PTPRN2: variants seen among roughly 807,000 people sequenced by gnomAD.
PTPRN2 encodes the protein protein tyrosine phosphatase receptor type N2.
A neutral mutation model predicts 118.8 loss-of-function variants in PTPRN2; 74 were observed. That is an observed-to-expected ratio of 0.62 (90% CI 0.52 to 0.76). The LOEUF is 0.76. Ranked by LOEUF, PTPRN2 falls within the 30% of genes least tolerant of loss-of-function variation. The pLI is 0.00. For missense variants in PTPRN2, 1,481 were observed against 1,394.4 expected, an observed-to-expected ratio of 1.06 and a Z score of -0.99; for synonymous variants, 641 against 608.0, an observed-to-expected ratio of 1.05 and a Z score of -0.80.
At chr7:157,594,176 C>G (rs1004008363) in intron 17 of PTPRN2, among the ~76,000 whole-genome samples, 2 of 152,228 alleles carry the variant, frequency 1.3e-5, no homozygotes, top group African/African-American at 4.8e-5. Context: ...TCTGGAAAGC[C>G]CTGCAGAGAC....
intron 21 of PTPRN2, among the ~76,000 whole-genome samples, chr7:157,556,455 ACACT>A (rs1195992242): frequency 6.7e-6 from 1 of 148,232 alleles, no homozygotes; most frequent in Non-Finnish European, 1.5e-5. Context: ...ACATCACACA[ACACT>A]CACACCCACA....
intron 11 of PTPRN2, among the ~76,000 whole-genome samples, chr7:158,045,501 A>G (rs1316691366): frequency 6.6e-6 from 1 of 152,190 alleles, no homozygotes; most frequent in African/African-American, 2.4e-5. Context: ...AACAGGAAGG[A>G]GAGGAAAGAA....
chr7:158,379,785 C>T (rs1336688669), intron 2 of PTPRN2, among the ~76,000 whole-genome samples: 1 of 152,130 alleles, frequency 6.6e-6, no homozygotes, highest in Non-Finnish European at 1.5e-5. Context: ...TTTCATGCTG[C>T]TAATAAAGAC....
chr7:158,265,411 C>A (rs1425185088), intron 3 of PTPRN2, among the ~76,000 whole-genome samples: 1 of 146,492 alleles, frequency 6.8e-6, no homozygotes, highest in Non-Finnish European at 1.5e-5. Flanking sequence ...CGGGCACACA[C>A]CTGTGGGCAC....
At chr7:158,493,419 AC>A (rs1450510410) in intron 1 of PTPRN2, among the ~76,000 whole-genome samples, 2 of 6,456 alleles carry the variant, frequency 3.1e-4, no homozygotes, top group African/African-American at 1.4e-3. Flanking sequence ...AGACACGTAC[AC>A]GTATGCACAC....
At position 157,780,818 on chromosome 7, in the gene PTPRN2, G is replaced by A. The variant is rs568662199; in HGVS notation, c.1789-97881C>T. ...CAAACTCGCTTTCTCTGCCTCATCC[G>A]TGATGAGCTGCCCCGCGGGTCCCCA... On this transcript the variant is annotated intron_variant, in intron 12 of 22. Transcript: ENST00000389418. This position sits in a 1 kb window ranked among gnomAD's most constrained non-coding sequence, Gnocchi z 4.5. Among the ~76,000 whole-genome samples the A allele has an allele frequency of 9.5e-4, 144 of 152,248 alleles. No individual in the cohort carries two copies. The highest frequency in any genetic ancestry group is 1.6e-3 in the Non-Finnish European group (112 of 68,002).
intron 2 of PTPRN2, among the ~76,000 whole-genome samples, chr7:158,341,866 C>T (rs1420567647): frequency 7.8e-6 from 1 of 128,458 alleles, no homozygotes; most frequent in Non-Finnish European, 1.6e-5. Context: ...AGAGTGTGCC[C>T]CGCAGGCGTC....
chr7:158,442,591 G>C (rs1389561581), intron 2 of PTPRN2, among the ~76,000 whole-genome samples: 1 of 152,154 alleles, frequency 6.6e-6, no homozygotes, highest in African/African-American at 2.4e-5. Context: ...TTTTTGTTAT[G>C]TGTGTGCCCA....
At chr7:158,097,033 C>T (rs1814681187) in intron 10 of PTPRN2, among the ~76,000 whole-genome samples, 1 of 152,184 alleles carries the variant, frequency 6.6e-6, no homozygotes, top group South Asian at 2.1e-4. Flanking sequence ...ACCAGAGAGC[C>T]AACCCAGGGA....
rs376423491 is a variant in PTPRN2, at chr7:157,823,001, TACAG to T, written c.1788+75668_1788+75671del. ...CATTCATCCATCCACCCATGATCCA[TACAG>T]ACATACATGCACCCATCCATCTTTC... On this transcript the variant is annotated intron_variant, in intron 12 of 22. Coordinates refer to ENST00000389418, the MANE Select transcript of PTPRN2 (RefSeq NM_002847.5). Among the ~76,000 whole-genome samples, 190 of 152,114 alleles carry T rather than the reference TACAG, an allele frequency of 1.2e-3. 2 individuals carry two copies. The highest frequency in any genetic ancestry group is 4.4e-3 in the African/African-American group (182 of 41,498).
At chr7:157,664,167 C>T (rs1796024951) in intron 13 of PTPRN2, among the ~76,000 whole-genome samples, 1 of 152,252 alleles carries the variant, frequency 6.6e-6, no homozygotes, top group Non-Finnish European at 1.5e-5. Context: ...AGCATCCACA[C>T]CTGAAAAGGC....
chr7:158,159,573 C>A (rs1451050806), intron 6 of PTPRN2, among the ~76,000 whole-genome samples: 1 of 152,160 alleles, frequency 6.6e-6, no homozygotes, highest in East Asian at 1.9e-4. Flanking sequence ...AGGGTTCTAA[C>A]AGGTTGGTTA....
chr7:158,047,392 C>G (rs1308941243), intron 11 of PTPRN2, among the ~76,000 whole-genome samples: 1 of 152,220 alleles, frequency 6.6e-6, no homozygotes, highest in East Asian at 1.9e-4. Flanking sequence ...ATCTTAGTAA[C>G]CACAACCAAA....
intron 10 of PTPRN2, among the ~76,000 whole-genome samples, chr7:158,085,065 CGCCCATCCACACAGAT>C (rs1365102702): frequency 7.4e-6 from 1 of 135,012 alleles, no homozygotes; most frequent in African/African-American, 2.9e-5. Context: ...ACACCCATGA[CGCCCATCCACACAGAT>C]GCCCATCCAC....
At chr7:157,812,115 A>G (rs73165863) in intron 12 of PTPRN2, among the ~76,000 whole-genome samples, 7,713 of 152,240 alleles carry the variant, frequency 0.051, 283 homozygotes, top group Non-Finnish European at 0.081. Context: ...TCCCTCGACC[A>G]TGTTCTCTGG....
At chr7:158,357,133 C>T (rs1328381218) in intron 2 of PTPRN2, among the ~76,000 whole-genome samples, 1 of 152,230 alleles carries the variant, frequency 6.6e-6, no homozygotes, top group African/African-American at 2.4e-5. Flanking sequence ...GATTTGAGGA[C>T]GGAAGAGGAA....
chr7:158,274,657 G>A (rs1229856278), intron 3 of PTPRN2, among the ~76,000 whole-genome samples: 1 of 152,182 alleles, frequency 6.6e-6, no homozygotes. Context: ...GGGCCGCGTG[G>A]CTTCCTGCTG....
At position 158,525,468 on chromosome 7, in the gene PTPRN2, C is replaced by T. The variant is rs1428027946; in HGVS notation, c.113-35683G>A. Among the ~76,000 whole-genome samples the T allele has an allele frequency of 6.6e-6, 1 of 152,180 alleles. No homozygotes were observed. The highest frequency in any genetic ancestry group is 2.4e-5 in the African/African-American group (1 of 41,456). Reference sequence around the variant, plus strand: ...AAGTGGGACCAAGGCTGAGCCGCTCCGCACCCCTCGCTCTACAGCTGGACA... The same window carrying T: ...AAGTGGGACCAAGGCTGAGCCGCTCTGCACCCCTCGCTCTACAGCTGGACA... On this transcript the variant is annotated intron_variant, in intron 1 of 22. Transcript: ENST00000389418. The surrounding 1 kb of genome is among the most constrained non-coding windows in gnomAD (Gnocchi z 4.1).
chr7:157,997,508 G>A (rs1804846717), intron 11 of PTPRN2, among the ~76,000 whole-genome samples: 1 of 152,240 alleles, frequency 6.6e-6, no homozygotes, highest in African/African-American at 2.4e-5. Context: ...TGCAAGGGCT[G>A]GAAGGGCCAC....
Sources: allele counts gnomAD v4.1 joint callset (sites outside exome capture counted in the v4.1 genomes callset), GRCh38; gene constraint gnomAD v4.1.1; non-coding constraint Gnocchi (gnomAD v3.1); transcripts MANE v1.5; gene names NCBI Gene and HGNC (gene_info 2026-07-23, HGNC 2026-07-21).